Variants in FGF14 observed in about 807,000 individuals in gnomAD.
FGF14 encodes fibroblast growth factor 14.
In FGF14, 5 loss-of-function variants were observed where a neutral mutation model predicts 25.5. The ratio of observed to expected loss-of-function variants is 0.20; its 90% CI spans 0.10 to 0.41. The LOEUF (loss-of-function observed/expected upper bound fraction) is 0.41. Ranked by LOEUF, FGF14 falls within the 10% of genes least tolerant of loss-of-function variation. FGF14 has a pLI of 1.00. For synonymous variants in FGF14, 138 were observed against 118.3 expected (o/e 1.17, Z -1.08); for missense variants, 222 against 320.1 (o/e 0.69, Z 2.34).
intron 3 of FGF14, among the ~76,000 whole-genome samples, chr13:101,798,512 A>G (rs1274615900): frequency 6.6e-6 from 1 of 152,070 alleles, no homozygotes; most frequent in Non-Finnish European, 1.5e-5. Context: ...AATAGATGAG[A>G]AAAAAATATC....
In FGF14 at chr13:101,711,557, C is replaced by G. The variant is rs1379122362; in HGVS notation, c.*11274G>C. The G allele has an allele frequency of 6.6e-6, 1 of 152,240 alleles. No homozygotes were observed. The highest frequency in any genetic ancestry group is 2.4e-5 in the African/African-American group (1 of 41,458). 9.4% of individuals were successfully genotyped at this position (152,240 alleles called of 1,614,324 possible). A position where few individuals can be genotyped will look rare whatever the true frequency, so the allele number is the denominator to read the frequency against. Reference sequence around the variant, plus strand: ...AAAGTTTTTGCCTGGAGATACATCACAGATAGGCAGATCACTAAAAAGAAG... The same window carrying G: ...AAAGTTTTTGCCTGGAGATACATCAGAGATAGGCAGATCACTAAAAAGAAG... On this transcript the variant is annotated 3_prime_UTR_variant, in exon 5 of 5. Coordinates refer to ENST00000376143, the MANE Select transcript of FGF14 (RefSeq NM_004115.4).
At chr13:102,274,219 A>G (rs750489529) in intron 1 of FGF14, among the ~76,000 whole-genome samples, 7 of 152,146 alleles carry the variant, frequency 4.6e-5, no homozygotes, top group Non-Finnish European at 7.4e-5. Flanking sequence ...TGTATCATTC[A>G]TTCTCTTCAA....
At chr13:101,825,014 A>G (rs2042333353) in intron 3 of FGF14, among the ~76,000 whole-genome samples, 2 of 152,210 alleles carry the variant, frequency 1.3e-5, no homozygotes, top group Non-Finnish European at 2.9e-5. Flanking sequence ...TTTCATTTGT[A>G]TCCTTTCATA....
intron 1 of FGF14, among the ~76,000 whole-genome samples, chr13:102,384,157 T>C (rs981556232): frequency 2.0e-5 from 3 of 152,148 alleles, no homozygotes; most frequent in South Asian, 2.1e-4. Context: ...TTTTGAGATG[T>C]AGCAAAAAAG....
chr13:102,182,240 C>T (rs1199914217), intron 1 of FGF14, among the ~76,000 whole-genome samples: 1 of 152,000 alleles, frequency 6.6e-6, no homozygotes, highest in Non-Finnish European at 1.5e-5. Context: ...AATATGATTC[C>T]TGGTATTGAA....
chr13:102,118,304 T>C (rs2045565369), intron 1 of FGF14, among the ~76,000 whole-genome samples: 1 of 151,956 alleles, frequency 6.6e-6, no homozygotes, highest in African/African-American at 2.4e-5. Flanking sequence ...CTTGTTAATG[T>C]TAAAAAGAGA....
At chr13:102,152,512 C>A (rs616067) in intron 1 of FGF14, among the ~76,000 whole-genome samples, 1 of 152,122 alleles carries the variant, frequency 6.6e-6, no homozygotes, top group Non-Finnish European at 1.5e-5. Flanking sequence ...TTAAAGCCTA[C>A]GCTGGTGACC....
chr13:101,819,627 G>C (rs1289765268), intron 3 of FGF14, among the ~76,000 whole-genome samples: 1 of 152,218 alleles, frequency 6.6e-6, no homozygotes, highest in East Asian at 1.9e-4. Context: ...CAAAATAACT[G>C]CATCAGCAAT....
chr13:101,857,949 G>A (rs551940369), intron 3 of FGF14, among the ~76,000 whole-genome samples: 81 of 152,050 alleles, frequency 5.3e-4, no homozygotes, highest in African/African-American at 1.9e-3. Flanking sequence ...TACAACTTGT[G>A]AAGAAAAATG....
intron 1 of FGF14, among the ~76,000 whole-genome samples, chr13:102,178,817 GTA>G (rs1159359371): frequency 1.3e-5 from 2 of 151,946 alleles, no homozygotes; most frequent in Non-Finnish European, 2.9e-5. Flanking sequence ...ATGTGTGTGT[GTA>G]TATATATACC....
At chr13:101,917,942 G>A (rs2033698313), upstream of FGF14, among the ~76,000 whole-genome samples, 1 of 152,162 alleles carries the variant, frequency 6.6e-6, no homozygotes, top group Admixed American at 6.5e-5. Flanking sequence ...AAGGGGCAGA[G>A]GAGGGTGTCA....
intron 1 of FGF14, among the ~76,000 whole-genome samples, chr13:101,970,760 C>A (rs2037542576): frequency 6.6e-6 from 1 of 152,206 alleles, no homozygotes; most frequent in Admixed American, 6.5e-5. Flanking sequence ...TACATGCAGA[C>A]AGACTTTTCA....
At chr13:101,776,389 C>T (rs957448644) in intron 3 of FGF14, among the ~76,000 whole-genome samples, 2 of 152,170 alleles carry the variant, frequency 1.3e-5, no homozygotes, top group Admixed American at 6.5e-5. Flanking sequence ...CTCAAGGCAG[C>T]GTACAGGGCA....
chr13:102,333,337 A>T lies in FGF14; in HGVS notation c.208+68134T>A, dbSNP rs547906493. 3.9e-5 allele frequency among the ~76,000 whole-genome samples: 6 copies of T among 152,340 alleles called. No individual in the cohort carries two copies. The South Asian group carries it at 1.2e-3, about 32-fold the overall frequency. On this transcript the variant is annotated intron_variant, in intron 1 of 4. Coordinates refer to the FGF14 transcript ENST00000376131. The stretch of plus-strand genomic sequence containing the variant: ...GTGTCTGTGAGAATATGAGTCATAG[A>T]TCTGCAAGCAAGGTAGGAAGGTCTT...
At chr13:101,942,556 T>C (rs1048422271) in intron 1 of FGF14, among the ~76,000 whole-genome samples, 2 of 152,190 alleles carry the variant, frequency 1.3e-5, no homozygotes, top group Non-Finnish European at 2.9e-5. Flanking sequence ...CTGCAAATTA[T>C]ATCTCTCTGA....
chr13:102,240,667 A>T (rs1430109891), intron 1 of FGF14, among the ~76,000 whole-genome samples: 1 of 152,206 alleles, frequency 6.6e-6, no homozygotes, highest in Non-Finnish European at 1.5e-5. Context: ...GAGAGGAAAG[A>T]TAAATACCTA....
At chr13:102,295,771 T>C (rs1382247802) in intron 1 of FGF14, among the ~76,000 whole-genome samples, 2 of 152,090 alleles carry the variant, frequency 1.3e-5, no homozygotes, top group African/African-American at 2.4e-5. Flanking sequence ...ACCTCCGCAA[T>C]GGGCAGCGAC....
chr13:102,351,188 T>G (rs111960964), intron 1 of FGF14, among the ~76,000 whole-genome samples: 13 of 151,940 alleles, frequency 8.6e-5, no homozygotes, highest in Non-Finnish European at 1.8e-4. Flanking sequence ...CCTATGTGAA[T>G]CAAAAAGACT....
intron 3 of FGF14, among the ~76,000 whole-genome samples, chr13:101,752,568 A>C (rs1258129879): frequency 6.6e-6 from 1 of 152,206 alleles, no homozygotes; most frequent in African/African-American, 2.4e-5. Context: ...TTTAGCAACA[A>C]GGGAATTGTA....
Sources: gnomAD v4.1 joint callset for allele counts (sites outside exome capture counted in the v4.1 genomes callset) on GRCh38, gnomAD v4.1.1 for gene constraint, MANE v1.5 for transcripts, NCBI Gene and HGNC (gene_info 2026-07-23, HGNC 2026-07-21) for gene names.